The following NRG1 variants were observed in gnomAD, a reference collection of about 807,000 sequenced individuals.
NRG1 encodes pro-neuregulin-1, membrane-bound isoform.
In NRG1, 18 loss-of-function variants were observed where a neutral mutation model predicts 63.8. That is an observed-to-expected ratio of 0.28 (90% CI 0.19 to 0.42). The LOEUF (loss-of-function observed/expected upper bound fraction) is 0.42, where lower values mean the gene tolerates loss of function less well. Ranked by LOEUF, NRG1 falls within the 10% of genes least tolerant of loss-of-function variation. NRG1 has a pLI of 1.00. For synonymous variants in NRG1, 302 were observed against 301.3 expected (o/e 1.00, Z -0.02); for missense variants, 762 against 814.7 (o/e 0.94, Z 0.79).
chr8:32,548,180 T>G (rs1588211234), upstream of NRG1: 25 of 935,258 alleles, frequency 2.7e-5, no homozygotes, highest in Non-Finnish European at 2.8e-5. Flanking sequence ...CGCCTCGGGG[T>G]GGGGGTGTGG....
chr8:32,033,219 C>T (rs28770892), intron 1 of NRG1, among the ~76,000 whole-genome samples: 18,758 of 151,640 alleles, frequency 0.12, 3,857 homozygotes, highest in African/African-American at 0.43. Flanking sequence ...CTCAGCCTCC[C>T]GAGTAGATGG....
At chr8:31,659,291 A>G (rs1401911568) in intron 1 of NRG1, among the ~76,000 whole-genome samples, 3 of 152,190 alleles carry the variant, frequency 2.0e-5, no homozygotes, top group Non-Finnish European at 4.4e-5. Context: ...GAAAGAAAAA[A>G]AACAACTTTC....
intron 5 of NRG1, among the ~76,000 whole-genome samples, chr8:32,706,343 A>G (rs1816404077): frequency 6.6e-6 from 1 of 152,208 alleles, no homozygotes; most frequent in Admixed American, 6.5e-5. Flanking sequence ...TTCTACTGCT[A>G]GATAAATGGG....
At chr8:31,936,593 A>T (rs1462872) in intron 1 of NRG1, among the ~76,000 whole-genome samples, 3 of 152,024 alleles carry the variant, frequency 2.0e-5, no homozygotes, top group Non-Finnish European at 4.4e-5. Context: ...ACCTCAGAAA[A>T]GTTTTCTTAA....
intron 1 of NRG1, among the ~76,000 whole-genome samples, chr8:31,883,689 G>A (rs1830518501): frequency 6.6e-6 from 1 of 152,102 alleles, no homozygotes; most frequent in Non-Finnish European, 1.5e-5. Flanking sequence ...CTTAGATCCT[G>A]CTGTTCAGTT....
intron 1 of NRG1, among the ~76,000 whole-genome samples, chr8:32,080,097 A>G (rs1827223781): frequency 6.6e-6 from 1 of 152,234 alleles, no homozygotes; most frequent in South Asian, 2.1e-4. Flanking sequence ...AGCAATGTCT[A>G]CAATAGCTTT....
intron 1 of NRG1, among the ~76,000 whole-genome samples, chr8:32,161,134 G>T (rs1838779711): frequency 6.6e-6 from 1 of 152,068 alleles, no homozygotes; most frequent in Admixed American, 6.5e-5. Context: ...TTCTAACCTA[G>T]CCCCACCCCT....
chr8:32,603,188 A>G (rs1355509432), intron 2 of NRG1, among the ~76,000 whole-genome samples: 1 of 152,134 alleles, frequency 6.6e-6, no homozygotes, highest in East Asian at 1.9e-4. Flanking sequence ...CTTTTTGTCA[A>G]CTTTGTTCCG....
upstream of NRG1, among the ~76,000 whole-genome samples, chr8:32,544,128 T>A (rs142660219): frequency 3.3e-3 from 505 of 152,316 alleles, no homozygotes; most frequent in Non-Finnish European, 6.0e-3. Context: ...CAAAATAGTA[T>A]ACAATTGTCA....
intron 1 of NRG1, among the ~76,000 whole-genome samples, chr8:32,220,598 G>T (rs906989098): frequency 6.6e-6 from 1 of 152,174 alleles, no homozygotes; most frequent in African/African-American, 2.4e-5. Context: ...CAAAGGAGGG[G>T]AAAATATATC....
intron 1 of NRG1, among the ~76,000 whole-genome samples, chr8:32,408,847 C>A (rs1814476856): frequency 6.6e-6 from 1 of 151,948 alleles, no homozygotes; most frequent in Admixed American, 6.6e-5. Context: ...AAATAGTGTA[C>A]CTTGTACCTA....
chr8:32,384,405 C>G (rs1810729485), intron 1 of NRG1, among the ~76,000 whole-genome samples: 1 of 152,198 alleles, frequency 6.6e-6, no homozygotes, highest in Admixed American at 6.5e-5. Context: ...GCTCATGGCT[C>G]AGGCCAGGCC....
chr8:32,196,047 T>C (rs1445961198), intron 1 of NRG1, among the ~76,000 whole-genome samples: 1 of 152,168 alleles, frequency 6.6e-6, no homozygotes, highest in African/African-American at 2.4e-5. Context: ...ATTAGTTATT[T>C]AGTAAATTAC....
chr8:32,264,583 T>C (rs940912772), intron 1 of NRG1, among the ~76,000 whole-genome samples: 2 of 152,164 alleles, frequency 1.3e-5, no homozygotes, highest in African/African-American at 4.8e-5. Context: ...GGAGGGACAT[T>C]TCTTGTTTGT....
chr8:32,429,955 T>G, intron 1 of NRG1, among the ~76,000 whole-genome samples: 1 of 152,218 alleles, frequency 6.6e-6, no homozygotes, highest in Non-Finnish European at 1.5e-5. Flanking sequence ...AATCTTATCT[T>G]TGTAGTTCAA....
At position 31,712,255 on chromosome 8, in the gene NRG1, C is replaced by CTTTTTTTTTTTTTTTTTTTTTTTTT. The variant is rs57363109; in HGVS notation, c.37+72830_37+72854dup. Among the ~76,000 whole-genome samples the CTTTTTTTTTTTTTTTTTTTTTTTTT allele has an allele frequency of 5.5e-4, 40 of 72,354 alleles. 4 individuals are homozygous for CTTTTTTTTTTTTTTTTTTTTTTTTT. The highest frequency in any genetic ancestry group is 7.6e-4 in the Non-Finnish European group (30 of 39,670). The allele number at this position is 72,354 out of a possible 152,430, so 47.5% of individuals were successfully genotyped here. A position where few individuals can be genotyped will look rare whatever the true frequency, so the allele number is the denominator to read the frequency against. On this transcript the variant is annotated intron_variant, in intron 1 of 10. Transcript: ENST00000519301. ...TGACTTCCTGTTTCTTCTTCATGAT[C>CTTTTTTTTTTTTTTTTTTTTTTTTT]TTTTTTTTTTTTTTTTTTTTTTTTT...
intron 1 of NRG1, among the ~76,000 whole-genome samples, chr8:32,439,055 C>T (rs914723681): frequency 2.0e-5 from 3 of 152,012 alleles, no homozygotes; most frequent in Non-Finnish European, 4.4e-5. Context: ...ACTTTTTATA[C>T]TTAATTGGCA....
At chr8:32,218,871 T>A (rs577072593) in intron 1 of NRG1, among the ~76,000 whole-genome samples, 4 of 152,144 alleles carry the variant, frequency 2.6e-5, no homozygotes, top group African/African-American at 4.8e-5. Flanking sequence ...AAGGCAGGAT[T>A]TCCGTGGGTG....
At chr8:32,389,728 G>A (rs7832999) in intron 1 of NRG1, among the ~76,000 whole-genome samples, 19,926 of 150,694 alleles carry the variant, frequency 0.13, 1,379 homozygotes, top group South Asian at 0.19. Flanking sequence ...ATTCTTACAA[G>A]GTCCTGCAGC....
Sources: allele counts gnomAD v4.1 joint callset (sites outside exome capture counted in the v4.1 genomes callset), GRCh38; gene constraint gnomAD v4.1.1; transcripts MANE v1.5; gene names NCBI Gene and HGNC (gene_info 2026-07-23, HGNC 2026-07-21).